The following DGLUCY variants were observed in gnomAD, a reference collection of about 807,000 sequenced individuals.
The protein encoded by DGLUCY is D-glutamate cyclase.
DGLUCY carries 58 observed loss-of-function variants against 58.5 expected under a neutral mutation model. The ratio of observed to expected loss-of-function variants is 0.99; its 90% CI spans 0.80 to 1.23. The LOEUF is 1.23. DGLUCY is among the 50% of genes most tolerant of loss of function. DGLUCY has a pLI of 0.00. For synonymous variants in DGLUCY, 325 were observed against 314.1 expected (o/e 1.03, Z -0.37); for missense variants, 779 against 784.7 (o/e 0.99, Z 0.09).
intron 1 of DGLUCY, among the ~76,000 whole-genome samples, chr14:91,061,294 C>T (rs1424586967): frequency 6.6e-6 from 1 of 152,150 alleles, no homozygotes. Flanking sequence ...AGTTCTTAAA[C>T]GTTACAAAAA....
In DGLUCY at chr14:91,074,822, C is replaced by G. The variant is rs1490050532; in HGVS notation, c.-82+14118C>G. ...ACATGGTGGCTCATGCCTGTAATCC[C>G]AGCACTTTGGGAGGCTGAGGCTGGC... On this transcript the variant is annotated intron_variant, in intron 1 of 4. Transcript: ENST00000521334. 3.3e-5 allele frequency among the ~76,000 whole-genome samples: 5 copies of G among 152,228 alleles called. No individual in the cohort carries two copies. The East Asian group carries it at 5.8e-4, about 18-fold the overall frequency.
Position 91,224,642 on chromosome 14 carries a change from C to T in DGLUCY, c.1717-42C>T, listed in dbSNP as rs773462287. ...TGTGTATAAAAGAAATTTCTTTTTC[C>T]TCCCCCTCCACTCCTTCTATTTCTG... is the stretch of plus-strand genomic sequence containing the variant. On this transcript the variant is annotated intron_variant, in intron 13 of 13. Transcript: ENST00000256324. 7.9e-6 allele frequency: 12 copies of T among 1,527,398 alleles called. No individual in the cohort carries two copies. In the South Asian group the frequency reaches 8.6e-5, roughly 11 times the overall value. 94.6% of individuals were successfully genotyped at this position (1,527,398 alleles called of 1,614,324 possible).
chr14:91,111,238 GTGTGTGTGTGTA>G (rs1566944334), upstream of DGLUCY, among the ~76,000 whole-genome samples: 450 of 109,572 alleles, frequency 4.1e-3, 9 homozygotes, highest in African/African-American at 0.013. Flanking sequence ...GTGTGTGTGT[GTGTGTGTGTGTA>G]TATATCTATA....
intron 1 of DGLUCY, among the ~76,000 whole-genome samples, chr14:91,137,305 C>T (rs1005413928): frequency 1.3e-5 from 2 of 151,942 alleles, no homozygotes; most frequent in African/African-American, 4.8e-5. Context: ...CTCTGTGTCT[C>T]GTTCTTTTAC....
At chr14:91,081,679 T>A (rs555190476) in intron 1 of DGLUCY, among the ~76,000 whole-genome samples, 3 of 152,312 alleles carry the variant, frequency 2.0e-5, no homozygotes, top group African/African-American at 7.2e-5. Flanking sequence ...TTGTGGCTCC[T>A]TTCTCTATCT....
intron 11 of DGLUCY, among the ~76,000 whole-genome samples, chr14:91,200,720 G>T (rs912285078): frequency 6.6e-6 from 1 of 152,058 alleles, no homozygotes; most frequent in Admixed American, 6.6e-5. Flanking sequence ...GGGACTACAG[G>T]GTGTGCTACC....
intron 1 of DGLUCY, among the ~76,000 whole-genome samples, chr14:91,109,030 G>A (rs912414711): frequency 2.6e-5 from 4 of 152,128 alleles, no homozygotes; most frequent in Admixed American, 2.6e-4. Flanking sequence ...CCTTTCATGG[G>A]TCTTTGCCTG....
chr14:91,145,626 C>T (rs140692133), intron 1 of DGLUCY, among the ~76,000 whole-genome samples: 30 of 152,312 alleles, frequency 2.0e-4, no homozygotes, highest in African/African-American at 7.0e-4. Flanking sequence ...ACTGTCACCA[C>T]CATCCCCCTC....
chr14:91,218,580 T>A (rs1277407628), intron 13 of DGLUCY, among the ~76,000 whole-genome samples: 2 of 151,936 alleles, frequency 1.3e-5, no homozygotes, highest in African/African-American at 4.8e-5. Flanking sequence ...TTTTTGTATT[T>A]TTAATGGTGA....
intron 12 of DGLUCY, among the ~76,000 whole-genome samples, chr14:91,210,021 C>G (rs1885422279): frequency 6.6e-6 from 1 of 152,202 alleles, no homozygotes; most frequent in African/African-American, 2.4e-5. Flanking sequence ...TGGTGCACAC[C>G]TGTAATCCCA....
At chr14:91,143,221 A>C (rs1042189546) in intron 1 of DGLUCY, among the ~76,000 whole-genome samples, 1 of 151,074 alleles carries the variant, frequency 6.6e-6, no homozygotes, top group Non-Finnish European at 1.5e-5. Context: ...TCAGCCTCCC[A>C]AGTAGCTGGG....
chr14:91,123,628 T>A (rs1481899321), intron 1 of DGLUCY, among the ~76,000 whole-genome samples: 1 of 152,142 alleles, frequency 6.6e-6, no homozygotes, highest in African/African-American at 2.4e-5. Flanking sequence ...ACTTTGTCCC[T>A]CAGGCTAGAG....
chr14:91,135,172 T>C (rs1310161400), intron 1 of DGLUCY, among the ~76,000 whole-genome samples: 2 of 152,128 alleles, frequency 1.3e-5, no homozygotes, highest in Non-Finnish European at 2.9e-5. Context: ...GCAATCCTCC[T>C]GCCTCATCCT....
intron 1 of DGLUCY, among the ~76,000 whole-genome samples, chr14:91,135,420 C>G (rs140693195): frequency 2.6e-5 from 4 of 152,026 alleles, no homozygotes. Flanking sequence ...GAGGCCAAAG[C>G]GGGCGGATCA....
At chr14:91,206,802 T>C (rs867851491) in intron 12 of DGLUCY, among the ~76,000 whole-genome samples, 9 of 152,156 alleles carry the variant, frequency 5.9e-5, no homozygotes, top group Non-Finnish European at 1.3e-4. Context: ...GAGTCAGACA[T>C]GTCAGAAATG....
intron 1 of DGLUCY, among the ~76,000 whole-genome samples, chr14:91,076,689 G>A (rs2044027644): frequency 6.6e-6 from 1 of 152,186 alleles, no homozygotes; most frequent in Non-Finnish European, 1.5e-5. Context: ...GAGTGGGCAT[G>A]GGTGAGGGAT....
chr14:91,124,488 T>C (rs1483860059), intron 1 of DGLUCY, among the ~76,000 whole-genome samples: 2 of 152,228 alleles, frequency 1.3e-5, no homozygotes, highest in Non-Finnish European at 2.9e-5. Flanking sequence ...CAGATTAGGC[T>C]TTCTGTGAAT....
At chr14:91,163,326 T>C (rs2048097885) in intron 3 of DGLUCY, among the ~76,000 whole-genome samples, 1 of 151,432 alleles carries the variant, frequency 6.6e-6, no homozygotes, top group Non-Finnish European at 1.5e-5. Context: ...AGCGGGTGAG[T>C]AGGGAGTGGG....
At chr14:91,171,973 A>G (rs924285266) in intron 5 of DGLUCY, among the ~76,000 whole-genome samples, 1 of 152,238 alleles carries the variant, frequency 6.6e-6, no homozygotes, top group Non-Finnish European at 1.5e-5. Context: ...TGGCCCTTGC[A>G]GTCCCTAGAG....
Sources: gnomAD v4.1 joint callset for allele counts (sites outside exome capture counted in the v4.1 genomes callset) on GRCh38, gnomAD v4.1.1 for gene constraint, MANE v1.5 for transcripts, NCBI Gene and HGNC (gene_info 2026-07-23, HGNC 2026-07-21) for gene names.